AHCYL1: variants seen among roughly 807,000 people sequenced by gnomAD.
The protein encoded by AHCYL1 is adenosylhomocysteinase like 1.
In AHCYL1, 20 loss-of-function variants were observed where a neutral mutation model predicts 79.3. The observed-to-expected ratio is 0.25, with a 90% CI of 0.18 to 0.37. The LOEUF is 0.37. Among genes scored for constraint, AHCYL1 ranks in the 10% least tolerant of loss-of-function variants. AHCYL1 has a pLI of 1.00. For synonymous variants in AHCYL1, 223 were observed against 242.2 expected (o/e 0.92, Z 0.74); for missense variants, 330 against 673.6 (o/e 0.49, Z 5.65).
intron 1 of AHCYL1, among the ~76,000 whole-genome samples, chr1:110,008,091 C>T (rs1226881966): frequency 2.1e-4 from 31 of 144,358 alleles, no homozygotes; most frequent in African/African-American, 7.5e-4. Flanking sequence ...GGCACGATCT[C>T]GGCTCACTGC....
rs147429632 is a variant in AHCYL1, at chr1:110,018,569, G to A, written c.1236G>A (p.Pro412=). Residue 412 remains proline (P), a synonymous_variant, in exon 13 of 17, where the codon CCG becomes CCA. Coordinates refer to ENST00000369799, the MANE Select transcript of AHCYL1 (RefSeq NM_006621.7). ...CCTTTCAGACCAGCCTCCGCACTCC[G>A]GAGCTGACGTGGGAGCGAGTACGTT... ...TEIDVTSLRT[P]ELTWERVRSQ... is the part of the protein sequence containing the mutation. 66 of 1,613,896 alleles carry A rather than the reference G, an allele frequency of 4.1e-5. No homozygotes were observed. The South Asian group carries it at 4.8e-4, about 12-fold the overall frequency.
At chr1:110,016,123 CT>C (rs145081118) in intron 7 of AHCYL1, among the ~76,000 whole-genome samples, 2,174 of 147,078 alleles carry the variant, frequency 0.015, 21 homozygotes, top group Middle Eastern at 0.052. Flanking sequence ...AATTGAAAGG[CT>C]TTTTTTTTTC....
At chr1:110,011,154 C>G (rs1030691574) in intron 2 of AHCYL1, 60 bp from the exon 3 acceptor site, 2 of 1,599,332 alleles carry the variant, frequency 1.3e-6, no homozygotes, top group Non-Finnish European at 8.5e-7. Context: ...GGACTGCACT[C>G]TGTAGAGTTG....
chr1:110,019,410 G>A, intron 14 of AHCYL1, 138 bp from the exon 15 acceptor site: 1 of 801,824 alleles, frequency 1.2e-6, no homozygotes, highest in Non-Finnish European at 2.0e-6. Context: ...CTGCCCTTTA[G>A]TATAGGCAAA....
chr1:109,992,026 CG>C (rs1557759569), intron 1 of AHCYL1, among the ~76,000 whole-genome samples: 3 of 151,928 alleles, frequency 2.0e-5, no homozygotes, highest in African/African-American at 7.3e-5. Context: ...CAAGACCTCA[CG>C]TCAAAGCTTT....
intron 1 of AHCYL1, among the ~76,000 whole-genome samples, chr1:110,006,212 G>A (rs575519425): frequency 6.6e-6 from 1 of 152,138 alleles, no homozygotes; most frequent in Non-Finnish European, 1.5e-5. Context: ...GGCTGTTTAT[G>A]GGGTGGTGAG....
In AHCYL1 at chr1:110,017,591, C is replaced by A. The variant is rs754386294; in HGVS notation, c.1052+8C>A. 1.2e-6 allele frequency: 2 copies of A among 1,611,994 alleles called. No individual in the cohort carries two copies. The highest frequency in any genetic ancestry group is 2.7e-5 in the African/African-American group (2 of 74,952). ...CTGTGCTCTGCAGGCCTGGTAAGAACAGAGTGATAATACTATTAGATTCAC... is the reference window on the plus strand; with the variant it reads ...CTGTGCTCTGCAGGCCTGGTAAGAAAAGAGTGATAATACTATTAGATTCAC... On this transcript the variant is annotated splice_region_variant and intron_variant, in intron 10 of 16. Transcript: ENST00000369799.
chr1:110,012,516 A>C, intron 4 of AHCYL1, 54 bp downstream of exon 4: 1 of 1,127,466 alleles, frequency 8.9e-7, no homozygotes, highest in Non-Finnish European at 1.2e-6. Flanking sequence ...AAAGAAATCA[A>C]TTTTTTTTTT....
intron 2 of AHCYL1, among the ~76,000 whole-genome samples, chr1:110,010,964 C>G (rs1425857240): frequency 6.6e-6 from 1 of 152,130 alleles, no homozygotes; most frequent in Non-Finnish European, 1.5e-5. Flanking sequence ...ATCAGTGGTC[C>G]CTTGTCATAG....
chr1:110,017,426 A>G, intron 9 of AHCYL1, 69 bp from the exon 10 acceptor site: 2 of 1,473,754 alleles, frequency 1.4e-6, no homozygotes, highest in Non-Finnish European at 1.9e-6. Flanking sequence ...TGTCTCACAA[A>G]TAACCTACCT....
intron 4 of AHCYL1, 91 bp downstream of exon 4, chr1:110,012,553 A>C: frequency 9.5e-7 from 1 of 1,051,924 alleles, no homozygotes; most frequent in Non-Finnish European, 1.3e-6. Flanking sequence ...TAACTCGCCA[A>C]CCTCCAAATG....
chr1:109,984,775 C>A lies in AHCYL1; in HGVS notation c.-278C>A. On this transcript the variant is annotated 5_prime_UTR_variant, in exon 1 of 17. Coordinates refer to ENST00000369799, the MANE Select transcript of AHCYL1 (RefSeq NM_006621.7). Reference sequence around the variant, plus strand: ...CCGCCCTCTACCCTCGCTTTGCGTGCGTGTTTGCGTACAGCGGAGGTGGCG... The same window carrying A: ...CCGCCCTCTACCCTCGCTTTGCGTGAGTGTTTGCGTACAGCGGAGGTGGCG... 3.4e-6 allele frequency: 1 copy of A among 296,774 alleles called. No homozygotes were observed. The highest frequency in any genetic ancestry group is 6.0e-6 in the Non-Finnish European group (1 of 165,358). 18.4% of individuals were successfully genotyped at this position (296,774 alleles called of 1,614,324 possible). A position where few individuals can be genotyped will look rare whatever the true frequency, so the allele number is the denominator to read the frequency against.
rs1249911542 is a variant in AHCYL1 at position 109,985,065 on chromosome 1, G to C, written c.13G>C (p.Asp5His). ...GGCCGGCCGGGGAATGTCGATGCCT[G>C]ACGCGATGCCGCTGCCCGGGGTCGG... MSMPDAMPLPGVGEE... is the reference protein window; with the variant it reads MSMPHAMPLPGVGEE... The change falls in exon 1 of 17, where the codon GAC becomes CAC. Residue 5 changes from aspartate to histidine, a missense_variant. Physicochemically the swap from Asp to His is moderately conservative, Grantham distance 81. This residue lies in a region of AHCYL1 where 66 missense variants were observed against 68.0 expected (regional missense o/e 0.97). Coordinates refer to ENST00000369799, the MANE Select transcript of AHCYL1 (RefSeq NM_006621.7). 6.2e-7 allele frequency: 1 copy of C among 1,602,304 alleles called. No homozygotes were observed. Among genetic ancestry groups the C allele is most frequent in the African/African-American group, 1.4e-5 (1 of 73,972 alleles).
At position 110,021,757 on chromosome 1, in the gene AHCYL1, C is replaced by T; in HGVS notation, c.*77C>T. On this transcript the variant is annotated 3_prime_UTR_variant, in exon 17 of 17. Transcript: ENST00000369799. ...TATTTTTTAAGATAACTTTTATTTT[C>T]TTCTTACTCCTTTCCTCTTGATTTT... 1 of 1,431,996 alleles carries T rather than the reference C, an allele frequency of 7.0e-7. No homozygotes were observed. Among genetic ancestry groups the T allele is most frequent in the Non-Finnish European group, 9.7e-7 (1 of 1,035,482 alleles). 88.7% of individuals were successfully genotyped at this position (1,431,996 alleles called of 1,614,324 possible).
chr1:110,020,497 T>G (rs1180263046), intron 15 of AHCYL1, among the ~76,000 whole-genome samples: 2 of 152,078 alleles, frequency 1.3e-5, no homozygotes, highest in African/African-American at 4.8e-5. Flanking sequence ...TTTGTTACCC[T>G]GGTAAGTGGC....
At chr1:109,992,903 C>T (rs1000531147) in intron 1 of AHCYL1, among the ~76,000 whole-genome samples, 1 of 152,174 alleles carries the variant, frequency 6.6e-6, no homozygotes, top group African/African-American at 2.4e-5. Flanking sequence ...GCCAGGCCTC[C>T]AAGCCACAGC....
rs554143248 is a variant in AHCYL1, at chr1:109,998,501, G to A, written c.121-10533G>A. ...ATAAAAATTATTATTTTTTTGAGACGGAGTTTCACTCATTCGCCCAGGCTG... is the reference window on the plus strand; with the variant it reads ...ATAAAAATTATTATTTTTTTGAGACAGAGTTTCACTCATTCGCCCAGGCTG... On this transcript the variant is annotated intron_variant, in intron 1 of 16. Coordinates refer to ENST00000369799, the MANE Select transcript of AHCYL1 (RefSeq NM_006621.7). 1.4e-4 allele frequency among the ~76,000 whole-genome samples: 21 copies of A among 151,934 alleles called. No homozygotes were observed. The South Asian group carries it at 3.7e-3, about 27-fold the overall frequency.
At chr1:110,013,360 G>A (rs1347509002) in intron 5 of AHCYL1, among the ~76,000 whole-genome samples, 5 of 152,196 alleles carry the variant, frequency 3.3e-5, no homozygotes, top group African/African-American at 1.2e-4. Flanking sequence ...TTGGTATTCA[G>A]TATGGCATTG....
chr1:110,015,370 T>C, intron 6 of AHCYL1, 55 bp from the exon 7 acceptor site: 2 of 1,445,844 alleles, frequency 1.4e-6, no homozygotes, highest in Non-Finnish European at 1.9e-6. Flanking sequence ...GGTTCAAAGT[T>C]CCCCCCAGCC....
Sources: allele counts gnomAD v4.1 joint callset (sites outside exome capture counted in the v4.1 genomes callset), GRCh38; gene constraint gnomAD v4.1.1; regional missense constraint gnomAD v4.1.1; transcripts MANE v1.5; gene names NCBI Gene and HGNC (gene_info 2026-07-23, HGNC 2026-07-21).